The following ATG7 variants were observed in gnomAD, a reference collection of about 807,000 sequenced individuals.
The protein encoded by ATG7 is ubiquitin-like modifier-activating enzyme ATG7.
ATG7 carries 70 observed loss-of-function variants against 82.4 expected under a neutral mutation model. The observed-to-expected ratio is 0.85, with a 90% CI of 0.70 to 1.04. The LOEUF (loss-of-function observed/expected upper bound fraction) is 1.04, where lower values mean the gene tolerates loss of function less well. ATG7 is among the 50% of genes least tolerant of loss of function. ATG7 has a pLI of 0.00. For missense variants in ATG7, 792 were observed against 864.3 expected, an observed-to-expected ratio of 0.92 and a Z score of 1.05; for synonymous variants, 287 against 313.0, an observed-to-expected ratio of 0.92 and a Z score of 0.88.
At chr3:11,314,076 A>G (rs1447045486) in intron 8 of ATG7, among the ~76,000 whole-genome samples, 1 of 152,242 alleles carries the variant, frequency 6.6e-6, no homozygotes, top group African/African-American at 2.4e-5. Flanking sequence ...TAGTCTGGGA[A>G]AGAGTCTTTG....
At chr3:11,533,939 A>C (rs773546107) in intron 20 of ATG7, among the ~76,000 whole-genome samples, 1 of 152,222 alleles carries the variant, frequency 6.6e-6, no homozygotes, top group Admixed American at 6.5e-5. Context: ...GATTAAAAAA[A>C]CTTGGAGCGC....
At chr3:11,452,480 T>A (rs2085293562) in intron 20 of ATG7, among the ~76,000 whole-genome samples, 1 of 151,954 alleles carries the variant, frequency 6.6e-6, no homozygotes. Flanking sequence ...ATTGAACTGT[T>A]AAATTGGTGA....
At chr3:11,395,977 A>C (rs1286454737) in intron 19 of ATG7, among the ~76,000 whole-genome samples, 7 of 130,884 alleles carry the variant, frequency 5.3e-5, no homozygotes, top group South Asian at 2.7e-4. Context: ...GTAGGGGGGG[A>C]AGAGTAAAAG....
rs534994405 is a variant in ATG7 at position 11,468,346 on chromosome 3, C to T, written c.2079+41420C>T. On this transcript the variant is annotated intron_variant, in intron 20 of 20. Transcript: ENST00000693202. ...GAGAGCACAGGCCAGCCCGCCACTT[C>T]CCTGGAAGAACTGATGGCTTTTTCC... is the stretch of plus-strand genomic sequence containing the variant. Among the ~76,000 whole-genome samples, 5 of 152,258 alleles carry T rather than the reference C, an allele frequency of 3.3e-5. 1 individual carries two copies. The highest frequency in any genetic ancestry group is 1.2e-4 in the African/African-American group (5 of 41,548).
At chr3:11,299,226 A>G (rs1946413345) in intron 4 of ATG7, 136 bp from the exon 5 acceptor site, 1 of 781,406 alleles carries the variant, frequency 1.3e-6, no homozygotes, top group South Asian at 1.5e-5. Flanking sequence ...TATATTATCT[A>G]TGTAGCATAG....
chr3:11,543,126 C>T (rs2125032564), intron 20 of ATG7, among the ~76,000 whole-genome samples: 1 of 152,372 alleles, frequency 6.6e-6, no homozygotes, highest in East Asian at 1.9e-4. Context: ...ACCCTGCCAA[C>T]ATGAAACCTG....
At chr3:11,467,837 A>G (rs963876081) in intron 20 of ATG7, among the ~76,000 whole-genome samples, 2 of 152,264 alleles carry the variant, frequency 1.3e-5, no homozygotes, top group African/African-American at 2.4e-5. Flanking sequence ...TGTCTTGCCT[A>G]ACAAAGTAAC....
intron 19 of ATG7, among the ~76,000 whole-genome samples, chr3:11,414,791 T>C (rs1041488572): frequency 6.6e-6 from 1 of 152,238 alleles, no homozygotes; most frequent in Admixed American, 6.5e-5. Context: ...TTTTGTAAAA[T>C]GTTCTTTCTG....
chr3:11,274,998 G>T (rs539576793), intron 1 of ATG7, among the ~76,000 whole-genome samples: 25 of 151,996 alleles, frequency 1.6e-4, no homozygotes, highest in African/African-American at 5.8e-4. Context: ...ACAAGCAGGG[G>T]ACCAGTTGGG....
rs71626995 is a variant in ATG7 at position 11,277,891 on chromosome 3, A to ACCCCCCCCCCC, written c.-365-3100_-365-3090dup. On this transcript the variant is annotated intron_variant, in intron 1 of 20. Transcript: ENST00000693202. ...ACACTCCCAGAGCGGCCCTTTATAG[A>ACCCCCCCCCCC]CCCCCCCCCCCCCACCAGGAATGCA... Among the ~76,000 whole-genome samples, 34 of 60,790 alleles carry ACCCCCCCCCCC rather than the reference A, an allele frequency of 5.6e-4. 2 individuals carry two copies. Among genetic ancestry groups the ACCCCCCCCCCC allele is most frequent in the African/African-American group, 1.2e-3 (18 of 14,710 alleles). 39.9% of individuals were successfully genotyped at this position (60,790 alleles called of 152,430 possible).
chr3:11,378,684 CCA>C (rs1491476710), intron 18 of ATG7, among the ~76,000 whole-genome samples: 7 of 22,990 alleles, frequency 3.0e-4, no homozygotes, highest in African/African-American at 6.0e-4. Context: ...GACTCCATCT[CCA>C]AAAAAAAAAA....
rs1049611619 is a variant in ATG7, at chr3:11,556,385, C to T, written c.*1542C>T. On this transcript the variant is annotated 3_prime_UTR_variant, in exon 21 of 21. Transcript: ENST00000693202. ...TAGGTCAGTGCACCAGGGACCCGGC[C>T]GCCAGCACCGCCGACCCCTCCCAGA... is the stretch of plus-strand genomic sequence containing the variant. The T allele has an allele frequency of 2.6e-5, 4 of 152,852 alleles. No homozygotes were observed. The highest frequency in any genetic ancestry group is 2.0e-4 in the Admixed American group (3 of 15,268). The allele number at this position is 152,852 out of a possible 1,614,324, so 9.5% of individuals were successfully genotyped here. A position where few individuals can be genotyped will look rare whatever the true frequency, so the allele number is the denominator to read the frequency against.
chr3:11,332,960 G>T lies in ATG7; in HGVS notation c.768-12G>T. 3 of 1,456,154 alleles carry T rather than the reference G, an allele frequency of 2.1e-6. No homozygotes were observed. In the East Asian group the frequency reaches 8.1e-5, roughly 39 times the overall value. 90.2% of individuals were successfully genotyped at this position (1,456,154 alleles called of 1,614,324 possible). On this transcript the variant is annotated splice_polypyrimidine_tract_variant and intron_variant, in intron 10 of 20. Transcript: ENST00000693202. ...AAATAATAAATAAATAAAAATCCGG[G>T]CATGACAACAGGAGTAGCAGTTTCC...
chr3:11,465,179 G>A (rs1198397119), intron 20 of ATG7, among the ~76,000 whole-genome samples: 7 of 151,782 alleles, frequency 4.6e-5, no homozygotes, highest in African/African-American at 9.7e-5. Flanking sequence ...AGCCTGGGCC[G>A]GGCACAGTGG....
chr3:11,390,200 A>G (rs2078681342), intron 19 of ATG7, among the ~76,000 whole-genome samples: 1 of 152,236 alleles, frequency 6.6e-6, no homozygotes, highest in African/African-American at 2.4e-5. Flanking sequence ...AGGCCTATGT[A>G]CAATATTTTC....
intron 20 of ATG7, among the ~76,000 whole-genome samples, chr3:11,487,015 G>C (rs181499958): frequency 6.6e-6 from 1 of 151,848 alleles, no homozygotes; most frequent in Non-Finnish European, 1.5e-5. Context: ...GATTACTTGA[G>C]ATGAGGGATT....
At chr3:11,348,806 T>C (rs1954987728) in intron 14 of ATG7, 1 of 152,252 alleles carries the variant, frequency 6.6e-6, no homozygotes, top group South Asian at 2.1e-4. Context: ...AGAGTGTTGA[T>C]TGGTGCGTTT....
intron 20 of ATG7, among the ~76,000 whole-genome samples, chr3:11,480,131 C>T (rs1239647279): frequency 6.6e-6 from 1 of 152,110 alleles, no homozygotes; most frequent in Admixed American, 6.5e-5. Context: ...CGGGGTTTCA[C>T]TGTGTTAGCC....
intron 19 of ATG7, among the ~76,000 whole-genome samples, chr3:11,407,053 G>A (rs1311553328): frequency 6.6e-6 from 1 of 152,198 alleles, no homozygotes; most frequent in Admixed American, 6.5e-5. Context: ...TCTCTTCTGA[G>A]ACAAGGCAAG....
Sources: gnomAD v4.1 joint callset for allele counts (sites outside exome capture counted in the v4.1 genomes callset) on GRCh38, gnomAD v4.1.1 for gene constraint, MANE v1.5 for transcripts, NCBI Gene and HGNC (gene_info 2026-07-23, HGNC 2026-07-21) for gene names.